Variants in DDAH1 observed in about 807,000 individuals in gnomAD.
DDAH1 encodes N(G),N(G)-dimethylarginine dimethylaminohydrolase 1.
A neutral mutation model predicts 28.8 loss-of-function variants in DDAH1; 19 were observed. The observed-to-expected ratio is 0.66, with a 90% CI of 0.46 to 0.97. The LOEUF is 0.97. Ranked by LOEUF, DDAH1 falls within the 50% of genes least tolerant of loss-of-function variation. The probability of loss-of-function intolerance (pLI) is 0.00; values close to 1 mark genes in which losing one functional copy is unlikely to be tolerated. For missense variants in DDAH1, 326 were observed against 375.9 expected (o/e 0.87, Z 1.10); for synonymous variants, 153 against 154.4 (o/e 0.99, Z 0.07).
At chr1:85,406,462 T>C (rs545199675) in intron 1 of DDAH1, among the ~76,000 whole-genome samples, 7 of 152,310 alleles carry the variant, frequency 4.6e-5, no homozygotes, top group African/African-American at 1.7e-4. Flanking sequence ...TTATCTATAA[T>C]GTGAAATCAT....
upstream of DDAH1, chr1:85,467,335 G>A (rs1277120396): frequency 6.6e-6 from 1 of 152,162 alleles, no homozygotes; most frequent in African/African-American, 2.4e-5. Context: ...AGTGCCCTGA[G>A]TCTAACTATG....
intron 1 of DDAH1, among the ~76,000 whole-genome samples, chr1:85,411,539 A>C (rs1293764313): frequency 1.3e-5 from 2 of 152,208 alleles, no homozygotes; most frequent in Admixed American, 6.5e-5. Context: ...ATCTGGGGGC[A>C]GGGACTGTCT....
rs17131726 is a variant in DDAH1, at chr1:85,520,457, A to G, written c.-122-24176T>C. Among the ~76,000 whole-genome samples, 1,328 of 152,326 alleles carry G rather than the reference A, an allele frequency of 8.7e-3. 17 individuals are homozygous for G. Among genetic ancestry groups the G allele is most frequent in the African/African-American group, 0.031 (1,287 of 41,562 alleles). On this transcript the variant is annotated intron_variant, in intron 1 of 6. Coordinates refer to the DDAH1 transcript ENST00000426972. ...ATTGGTTAAGGTTGTCATCTATTGA[A>G]CAGTTGCACTAGGTTAAGGATGATA...
intron 2 of DDAH1, among the ~76,000 whole-genome samples, chr1:85,486,724 C>T (rs182560904): frequency 2.0e-5 from 3 of 152,258 alleles, no homozygotes; most frequent in Non-Finnish European, 2.9e-5. Context: ...AAAAGGAACA[C>T]TCACTTTAAT....
chr1:85,577,299 C>T (rs2100579178), intron 1 of DDAH1, among the ~76,000 whole-genome samples: 2 of 152,334 alleles, frequency 1.3e-5, no homozygotes, highest in South Asian at 4.1e-4. Context: ...CTTCCTGGGG[C>T]TCTCCTGGCT....
At chr1:85,329,378 T>G (rs1647624613) in intron 4 of DDAH1, among the ~76,000 whole-genome samples, 1 of 152,206 alleles carries the variant, frequency 6.6e-6, no homozygotes, top group Admixed American at 6.5e-5. Context: ...GGTTCCTATT[T>G]GAATTGTTCT....
At position 85,462,229 on chromosome 1, in the gene DDAH1, T is replaced by C. The variant is rs1655153576; in HGVS notation, c.303+2514A>G. Among the ~76,000 whole-genome samples the C allele has an allele frequency of 2.0e-5, 3 of 151,962 alleles. No homozygotes were observed. The South Asian group carries it at 6.2e-4, about 32-fold the overall frequency. The stretch of plus-strand genomic sequence containing the variant: ...AAAGCAATAGTCTGGTGAGCTTCAG[T>C]GAAAGAACCTCGCTCGATCCATGGA... On this transcript the variant is annotated intron_variant, in intron 1 of 5. Coordinates refer to ENST00000284031, the MANE Select transcript of DDAH1 (RefSeq NM_012137.4).
At chr1:85,483,237 C>G (rs1414778470) in intron 2 of DDAH1, among the ~76,000 whole-genome samples, 1 of 149,680 alleles carries the variant, frequency 6.7e-6, no homozygotes, top group East Asian at 2.0e-4. Context: ...AAAGAATTCT[C>G]TTAAAAAATA....
chr1:85,507,527 T>TAAC (rs1553143272), intron 1 of DDAH1, among the ~76,000 whole-genome samples: 2 of 149,254 alleles, frequency 1.3e-5, no homozygotes, highest in African/African-American at 2.5e-5. Context: ...AATAAATAAA[T>TAAC]AAACAAACAA....
chr1:85,386,525 C>T (rs909937146), intron 1 of DDAH1, among the ~76,000 whole-genome samples: 2 of 152,248 alleles, frequency 1.3e-5, no homozygotes, highest in African/African-American at 4.8e-5. Flanking sequence ...AGGCCTTAGG[C>T]AGTGCTGTCC....
At chr1:85,499,200 G>A (rs1319985220) in intron 1 of DDAH1, among the ~76,000 whole-genome samples, 1 of 151,884 alleles carries the variant, frequency 6.6e-6, no homozygotes, top group Non-Finnish European at 1.5e-5. Context: ...AAGTAAAAGG[G>A]ATAAAAAAGA....
chr1:85,453,871 T>C (rs12094973), intron 1 of DDAH1, among the ~76,000 whole-genome samples: 170 of 152,354 alleles, frequency 1.1e-3, no homozygotes, highest in African/African-American at 4.0e-3. Context: ...CTTTAGCCAG[T>C]GATCTGAGAA....
chr1:85,440,656 G>A lies in DDAH1; in HGVS notation c.303+24087C>T, dbSNP rs529763249. Among the ~76,000 whole-genome samples the A allele has an allele frequency of 2.0e-5, 3 of 152,320 alleles. No homozygotes were observed. In the East Asian group the frequency reaches 5.8e-4, roughly 29 times the overall value. ...ATACCCAGGGGCTTTGGTTTTTAATGTAACTTCCTTAGATAAAAGTCAGTT... is the reference window on the plus strand; with the variant it reads ...ATACCCAGGGGCTTTGGTTTTTAATATAACTTCCTTAGATAAAAGTCAGTT... On this transcript the variant is annotated intron_variant, in intron 1 of 5. Transcript: ENST00000284031.
intron 1 of DDAH1, among the ~76,000 whole-genome samples, chr1:85,371,692 C>T (rs1007711271): frequency 4.6e-5 from 7 of 152,288 alleles, no homozygotes; most frequent in African/African-American, 1.4e-4. Flanking sequence ...TACATTCACA[C>T]TGTATAGCAC....
intron 4 of DDAH1, among the ~76,000 whole-genome samples, chr1:85,331,203 G>A (rs1301622584): frequency 2.0e-5 from 3 of 152,094 alleles, no homozygotes; most frequent in African/African-American, 4.8e-5. Flanking sequence ...TCATCCAAAC[G>A]ACTGAAAGCC....
chr1:85,577,459 C>T (rs1387474548), intron 1 of DDAH1, among the ~76,000 whole-genome samples: 1 of 152,116 alleles, frequency 6.6e-6, no homozygotes, highest in East Asian at 1.9e-4. Flanking sequence ...GTTGGGTGTG[C>T]AGCCGAGGAT....
chr1:85,436,588 T>C (rs1262149604), intron 1 of DDAH1, among the ~76,000 whole-genome samples: 1 of 152,216 alleles, frequency 6.6e-6, no homozygotes, highest in Admixed American at 6.5e-5. Flanking sequence ...AAAGTGTTGC[T>C]GATGCTGCAG....
chr1:85,346,273 CCAGGGACTT>C (rs1337030815), intron 4 of DDAH1, among the ~76,000 whole-genome samples: 2 of 152,060 alleles, frequency 1.3e-5, no homozygotes, highest in Non-Finnish European at 2.9e-5. Context: ...GCCCAAGTGA[CCAGGGACTT>C]CTCTACAGAG....
At chr1:85,359,535 G>A (rs1269593053) in intron 1 of DDAH1, among the ~76,000 whole-genome samples, 1 of 152,130 alleles carries the variant, frequency 6.6e-6, no homozygotes, top group Non-Finnish European at 1.5e-5. Context: ...CACACACACA[G>A]TATAATACAT....
Sources: allele counts gnomAD v4.1 joint callset (sites outside exome capture counted in the v4.1 genomes callset), GRCh38; gene constraint gnomAD v4.1.1; transcripts MANE v1.5; gene names NCBI Gene and HGNC (gene_info 2026-07-23, HGNC 2026-07-21).